The following RBPMS variants were observed in gnomAD, a reference collection of about 807,000 sequenced individuals.
RBPMS encodes the protein RNA binding protein, mRNA processing factor, also known as RNA-binding protein with multiple splicing.
A neutral mutation model predicts 26.8 loss-of-function variants in RBPMS; 7 were observed. The ratio of observed to expected loss-of-function variants is 0.26; its 90% confidence interval spans 0.15 to 0.49. RBPMS has a LOEUF of 0.49. Ranked by LOEUF, RBPMS falls within the 20% of genes least tolerant of loss-of-function variation. The pLI is 0.98. For missense variants in RBPMS, 186 were observed against 250.0 expected, an observed-to-expected ratio of 0.74 and a Z score of 1.73; for synonymous variants, 96 against 93.3, an observed-to-expected ratio of 1.03 and a Z score of -0.17.
At chr8:30,519,900 G>A (rs1039366201) in intron 5 of RBPMS, among the ~76,000 whole-genome samples, 1 of 152,064 alleles carries the variant, frequency 6.6e-6, no homozygotes, top group African/African-American at 2.4e-5. Flanking sequence ...CCTTTTGCTT[G>A]TTCTTGTGTC....
rs924407082 is a variant in RBPMS at position 30,439,918 on chromosome 8, G to A, written c.67-34861G>A. 6.6e-5 allele frequency among the ~76,000 whole-genome samples: 10 copies of A among 152,148 alleles called. No individual in the cohort carries two copies. In the East Asian group the frequency reaches 1.4e-3, roughly 21 times the overall value. On this transcript the variant is annotated intron_variant, in intron 1 of 8. Transcript: ENST00000397323. ...ATTAAAGCCAGGTGCAGTGGCTTAC[G>A]CCTGTAATCCCAGCACTTTGGGAGG...
At chr8:30,470,167 TG>T (rs200973710) in intron 1 of RBPMS, among the ~76,000 whole-genome samples, 2,930 of 152,228 alleles carry the variant, frequency 0.019, 89 homozygotes, top group African/African-American at 0.067. Context: ...GCAGATCACC[TG>T]AGTTCAGGAG....
intron 6 of RBPMS, 121 bp from the exon 7 acceptor site, chr8:30,558,766 G>A (rs939510433): frequency 1.2e-6 from 1 of 824,666 alleles, no homozygotes; most frequent in South Asian, 1.4e-5. Flanking sequence ...GGCCCTCACA[G>A]GCTAGTGTGA....
At chr8:30,487,773 GATA>G (rs914219375) in intron 4 of RBPMS, among the ~76,000 whole-genome samples, 3 of 151,958 alleles carry the variant, frequency 2.0e-5, no homozygotes, top group South Asian at 4.1e-4. Flanking sequence ...GAATCTAAAA[GATA>G]ATAAAATCTG....
Position 30,482,803 on chromosome 8 carries a change from C to T in RBPMS, c.246+3426C>T, listed in dbSNP as rs115810431. On this transcript the variant is annotated intron_variant, in intron 4 of 8. Coordinates refer to ENST00000397323, the MANE Select transcript of RBPMS (RefSeq NM_001008710.3). ...TGACCTATTCTTTGTCTTTAACTCA[C>T]TTTGTAATTTCTGTACCTGTTTTGA... Among the ~76,000 whole-genome samples the T allele has an allele frequency of 1.5e-3, 233 of 152,276 alleles. 2 individuals are homozygous for T. Among genetic ancestry groups the T allele is most frequent in the African/African-American group, 5.2e-3 (217 of 41,562 alleles).
intron 3 of RBPMS, among the ~76,000 whole-genome samples, chr8:30,478,790 G>T (rs940323325): frequency 2.0e-5 from 3 of 152,194 alleles, no homozygotes; most frequent in African/African-American, 7.2e-5. Context: ...GAGCCACCCT[G>T]CCCAGCCAGC....
At chr8:30,429,580 C>A (rs1046767782) in intron 1 of RBPMS, among the ~76,000 whole-genome samples, 1 of 152,116 alleles carries the variant, frequency 6.6e-6, no homozygotes, top group Non-Finnish European at 1.5e-5. Flanking sequence ...ATTTTGTAAT[C>A]AAGGTCTAGC....
At chr8:30,549,383 C>T (rs1376744302) in intron 6 of RBPMS, 1 of 834,686 alleles carries the variant, frequency 1.2e-6, no homozygotes, top group African/African-American at 1.7e-5. Context: ...AAAACGACAG[C>T]TTTGAAGGAC....
chr8:30,386,567 T>C (rs918125150), intron 1 of RBPMS, among the ~76,000 whole-genome samples: 1 of 152,228 alleles, frequency 6.6e-6, no homozygotes, highest in African/African-American at 2.4e-5. Context: ...GGAATGCTAC[T>C]GGCATTTCTT....
intron 6 of RBPMS, among the ~76,000 whole-genome samples, chr8:30,557,885 T>C (rs1827096845): frequency 6.6e-6 from 1 of 152,144 alleles, no homozygotes; most frequent in Admixed American, 6.5e-5. Flanking sequence ...TCTTGTTTGT[T>C]TTGAGATTTT....
chr8:30,557,035 C>T (rs1203028278), intron 6 of RBPMS, among the ~76,000 whole-genome samples: 1 of 152,216 alleles, frequency 6.6e-6, no homozygotes, highest in Non-Finnish European at 1.5e-5. Flanking sequence ...CCAGCCCTGC[C>T]TTAAATGAGC....
chr8:30,453,942 C>T (rs192480127), intron 1 of RBPMS: 4 of 152,328 alleles, frequency 2.6e-5, no homozygotes, highest in Admixed American at 1.3e-4. Flanking sequence ...TCCTAAGCCT[C>T]ATCCCCAGAT....
chr8:30,436,868 A>G (rs567689970), intron 1 of RBPMS, among the ~76,000 whole-genome samples: 29 of 152,034 alleles, frequency 1.9e-4, no homozygotes, highest in African/African-American at 6.8e-4. Context: ...TCCTGACTGT[A>G]ACTGAATAAA....
intron 7 of RBPMS, among the ~76,000 whole-genome samples, chr8:30,560,237 ACTG>A (rs1827339178): frequency 1.3e-5 from 2 of 152,268 alleles, no homozygotes; most frequent in Non-Finnish European, 2.9e-5. Flanking sequence ...ATCTGGGAGG[ACTG>A]CTGAGTGTGG....
chr8:30,555,208 C>A (rs1826753592), intron 6 of RBPMS, among the ~76,000 whole-genome samples: 1 of 152,136 alleles, frequency 6.6e-6, no homozygotes, highest in African/African-American at 2.4e-5. Flanking sequence ...AATCTGTCAC[C>A]ATGCTGAGTG....
intron 1 of RBPMS, among the ~76,000 whole-genome samples, chr8:30,414,199 T>C (rs1384088003): frequency 6.6e-6 from 1 of 152,166 alleles, no homozygotes; most frequent in Non-Finnish European, 1.5e-5. Context: ...TCGCCATTTT[T>C]ATTAATGATA....
At chr8:30,393,524 C>CT (rs547914626) in intron 1 of RBPMS, among the ~76,000 whole-genome samples, 1,788 of 145,704 alleles carry the variant, frequency 0.012, 41 homozygotes, top group African/African-American at 0.04. Flanking sequence ...TTTTCATTTT[C>CT]TTTTTTTTTT....
At chr8:30,515,645 GAATT>G (rs1223744246) in intron 5 of RBPMS, among the ~76,000 whole-genome samples, 1 of 152,018 alleles carries the variant, frequency 6.6e-6, no homozygotes, top group East Asian at 1.9e-4. Flanking sequence ...TAAAAAACAT[GAATT>G]AATAAACTTT....
At chr8:30,556,255 G>A (rs1826899301) in intron 6 of RBPMS, 1 of 985,318 alleles carries the variant, frequency 1.0e-6, no homozygotes, top group Admixed American at 6.1e-5. Flanking sequence ...GCTGAGCACA[G>A]CCTCCCCTGG....
Sources: allele counts gnomAD v4.1 joint callset (sites outside exome capture counted in the v4.1 genomes callset), GRCh38; gene constraint gnomAD v4.1.1; transcripts MANE v1.5; gene names NCBI Gene and HGNC (gene_info 2026-07-23, HGNC 2026-07-21).